The following AGK variants were observed in gnomAD, a reference collection of about 807,000 sequenced individuals.
The protein encoded by AGK is acylglycerol kinase, mitochondrial.
AGK carries 52 observed loss-of-function variants against 66.4 expected under a neutral mutation model. That is an observed-to-expected ratio of 0.78 (90% CI 0.63 to 0.99). AGK has a LOEUF of 0.99. AGK is among the 50% of genes least tolerant of loss of function. The probability of loss-of-function intolerance (pLI) is 0.00; values close to 1 mark genes in which losing one functional copy is unlikely to be tolerated. For missense variants in AGK, 451 were observed against 506.6 expected (o/e 0.89, Z 1.05); for synonymous variants, 182 against 181.1 (o/e 1.00, Z -0.04).
chr7:141,584,834 C>G (rs949012420), intron 2 of AGK, among the ~76,000 whole-genome samples: 1 of 152,190 alleles, frequency 6.6e-6, no homozygotes, highest in Non-Finnish European at 1.5e-5. Flanking sequence ...CTCACATCTT[C>G]TAAGCACTCT....
At position 141,615,344 on chromosome 7, in the gene AGK, T is replaced by C. The variant is rs1796680979; in HGVS notation, c.424-127T>C. ...CTTTATTTGATTACTGGTCTAAGGA[T>C]GTGGAAAGGAGATGGGGAGGCAGAT... On this transcript the variant is annotated intron_variant, in intron 7 of 15. Coordinates refer to ENST00000649286, the MANE Select transcript of AGK (RefSeq NM_018238.4). 5 of 670,456 alleles carry C rather than the reference T, an allele frequency of 7.5e-6. No homozygotes were observed. The South Asian group carries it at 8.5e-5, about 11-fold the overall frequency. 41.5% of individuals were successfully genotyped at this position (670,456 alleles called of 1,614,324 possible).
At chr7:141,607,813 A>AT (rs1031782309) in intron 5 of AGK, among the ~76,000 whole-genome samples, 4 of 151,386 alleles carry the variant, frequency 2.6e-5, no homozygotes, top group Non-Finnish European at 4.4e-5. Context: ...TAGTGTCTAG[A>AT]TTTTTTTTCT....
rs142779190 is a variant in AGK, at chr7:141,641,324, C to A, written c.803C>A (p.Thr268Asn). The A allele has an allele frequency of 1.5e-3, 2,403 of 1,613,910 alleles. 3 individuals are homozygous for A. The highest frequency in any genetic ancestry group is 3.0e-3 in the Middle Eastern group (18 of 6,058). The change falls in exon 12 of 16, where the codon ACC (threonine) becomes AAC (asparagine). Residue 268 changes from threonine to asparagine, a missense_variant. Thr to Asn is a moderately conservative substitution (Grantham distance 65, BLOSUM62 0). Transcript: ENST00000649286. The part of the protein sequence containing the change: ...TERPPNEPEE[T>N]PVQRPSLYRR... Reference sequence around the variant, plus strand: ...AGACCTCCCAATGAACCAGAGGAGACCCCTGTACAAAGGCCTTCTTTGTAC... The same window carrying A: ...AGACCTCCCAATGAACCAGAGGAGAACCCTGTACAAAGGCCTTCTTTGTAC...
intron 9 of AGK, among the ~76,000 whole-genome samples, chr7:141,622,066 T>C (rs1796837234): frequency 6.6e-6 from 1 of 152,118 alleles, no homozygotes; most frequent in South Asian, 2.1e-4. Flanking sequence ...AAGTATACAG[T>C]TCAGTAGTGT....
chr7:141,596,783 T>C (rs1458145986), intron 4 of AGK, 142 bp downstream of exon 4: 5 of 677,054 alleles, frequency 7.4e-6, no homozygotes, highest in Non-Finnish European at 1.3e-5. Context: ...ATTTGTAATG[T>C]AGAAATAACA....
At chr7:141,577,061 T>A (rs1002842968) in intron 2 of AGK, among the ~76,000 whole-genome samples, 1 of 151,600 alleles carries the variant, frequency 6.6e-6, no homozygotes, top group African/African-American at 2.4e-5. Context: ...AAAAATAAAA[T>A]AAAATTCAAA....
intron 3 of AGK, chr7:141,593,971 A>T (rs1001399230): frequency 2.0e-5 from 3 of 152,760 alleles, no homozygotes; most frequent in African/African-American, 7.2e-5. Flanking sequence ...ACTATAAATT[A>T]ATTCCTCTCT....
rs796173547 is a variant in AGK at position 141,614,306 on chromosome 7, TAGAAA to T, written c.423+135_423+139del. On this transcript the variant is annotated intron_variant, in intron 7 of 15. Transcript: ENST00000649286. ...GTACAAATTGTGCTTTCTTGAATTT[TAGAAA>T]AGAAAATACTGCTACCCATGTCATA... The T allele has an allele frequency of 9.3e-6, 6 of 645,302 alleles. No homozygotes were observed. In the African/African-American group the frequency reaches 9.7e-5, roughly 10 times the overall value. The allele number at this position is 645,302 out of a possible 1,614,324, so 40.0% of individuals were successfully genotyped here.
At chr7:141,613,882 A>T (rs951388521) in intron 6 of AGK, among the ~76,000 whole-genome samples, 4 of 152,164 alleles carry the variant, frequency 2.6e-5, no homozygotes, top group African/African-American at 9.7e-5. Flanking sequence ...CTTAAAACAT[A>T]TTTTTAGTAA....
intron 12 of AGK, 139 bp downstream of exon 12, chr7:141,641,537 T>TGCC: frequency 9.7e-7 from 1 of 1,029,390 alleles, no homozygotes; most frequent in East Asian, 2.5e-5. Context: ...TCCTTCTGTG[T>TGCC]GCCACCAGAG....
chr7:141,593,531 C>G, intron 3 of AGK: 1 of 605,672 alleles, frequency 1.7e-6, no homozygotes. Context: ...GAATAACCCC[C>G]AAGGATATCA....
chr7:141,653,467 CG>C lies in AGK; in HGVS notation c.*545del, dbSNP rs1443242781. The C allele has an allele frequency of 6.6e-6, 1 of 152,294 alleles. No individual in the cohort carries two copies. The highest frequency in any genetic ancestry group is 2.4e-5 in the African/African-American group (1 of 41,454). The allele number at this position is 152,294 out of a possible 1,614,324, so 9.4% of individuals were successfully genotyped here. A position where few individuals can be genotyped will look rare whatever the true frequency, so the allele number is the denominator to read the frequency against. ...CCCTCTTCAGCCACGGCTACAATAC[CG>C]GAAAATGCTAGTTTTTATTTATTTT... is the stretch of plus-strand genomic sequence containing the variant. On this transcript the variant is annotated 3_prime_UTR_variant, in exon 16 of 16. Transcript: ENST00000649286.
Position 141,610,102 on chromosome 7 carries a change from A to G in AGK, c.298-1093A>G, listed in dbSNP as rs187898409. ...TCCTGCCTCAGCTTCCTGAGTAGCT[A>G]GGATTACAGGCGTGCATCACCATGC... On this transcript the variant is annotated intron_variant, in intron 5 of 15. Transcript: ENST00000649286. 1.4e-3 allele frequency among the ~76,000 whole-genome samples: 219 copies of G among 151,456 alleles called. 6 individuals are homozygous for G. The East Asian group carries it at 0.029, about 20-fold the overall frequency.
chr7:141,551,860 T>C lies in AGK; in HGVS notation c.-15+426T>C, dbSNP rs1031831773. The stretch of plus-strand genomic sequence containing the variant: ...CTTTACTAGGTTCTGGTGCTGCAGA[T>C]GGATAGACGAACTTGCCCATGAGGG... On this transcript the variant is annotated intron_variant, in intron 1 of 15. Transcript: ENST00000649286. Among the ~76,000 whole-genome samples the C allele has an allele frequency of 5.9e-5, 9 of 152,322 alleles. No individual in the cohort carries two copies. In the South Asian group the frequency reaches 8.3e-4, roughly 14 times the overall value.
At chr7:141,649,428 C>A in intron 14 of AGK, 95 bp downstream of exon 14, 1 of 924,984 alleles carries the variant, frequency 1.1e-6, no homozygotes, top group Non-Finnish European at 1.7e-6. Context: ...GAAATCCAGC[C>A]AAAGCCTTGT....
chr7:141,586,197 C>G (rs1215870815), intron 2 of AGK, among the ~76,000 whole-genome samples: 1 of 152,174 alleles, frequency 6.6e-6, no homozygotes, highest in Non-Finnish European at 1.5e-5. Flanking sequence ...TTCCATTACA[C>G]TCTACACACC....
At position 141,601,207 on chromosome 7, in the gene AGK, A is replaced by G; in HGVS notation, c.224A>G (p.Lys75Arg). ...TATATTTTTTCCTTTGTTAACAGAA[A>G]AGCCAGGACTCTATTTGAAAAAAAT... ...VFLNPAACKG[K>R]ARTLFEKNAA... The change falls in exon 5 of 16, where the codon AAA becomes AGA. Residue 75 changes from lysine to arginine, a missense_variant and splice_region_variant. Coordinates refer to ENST00000649286, the MANE Select transcript of AGK (RefSeq NM_018238.4). 1 of 1,609,234 alleles carries G rather than the reference A, an allele frequency of 6.2e-7. No individual in the cohort carries two copies. Among genetic ancestry groups the G allele is most frequent in the South Asian group, 1.1e-5 (1 of 90,274 alleles).
chr7:141,574,943 G>T (rs563086734), intron 2 of AGK, among the ~76,000 whole-genome samples: 1 of 152,280 alleles, frequency 6.6e-6, no homozygotes, highest in South Asian at 2.1e-4. Context: ...AGGTTATTTA[G>T]GTTATTTTAG....
intron 2 of AGK, among the ~76,000 whole-genome samples, chr7:141,569,587 A>G (rs1046298383): frequency 6.6e-6 from 1 of 152,222 alleles, no homozygotes; most frequent in Non-Finnish European, 1.5e-5. Context: ...AGTGATTGCC[A>G]TGTGCGAGGC....
Sources: allele counts gnomAD v4.1 joint callset (sites outside exome capture counted in the v4.1 genomes callset), GRCh38; gene constraint gnomAD v4.1.1; transcripts MANE v1.5; gene names NCBI Gene and HGNC (gene_info 2026-07-23, HGNC 2026-07-21).